Variants in PDE4DIP observed in about 807,000 individuals in gnomAD.
PDE4DIP encodes the protein myomegalin.
PDE4DIP carries 59 observed loss-of-function variants against 221.4 expected under a neutral mutation model. The ratio of observed to expected loss-of-function variants is 0.27; its 90% confidence interval spans 0.22 to 0.33. The LOEUF (loss-of-function observed/expected upper bound fraction) is 0.33, where lower values mean the gene tolerates loss of function less well. Ranked by LOEUF, PDE4DIP falls within the 10% of genes least tolerant of loss-of-function variation. The probability of loss-of-function intolerance (pLI) is 1.00; values close to 1 mark genes in which losing one functional copy is unlikely to be tolerated. For missense variants in PDE4DIP, 1,036 were observed against 2,154.2 expected (o/e 0.48, Z 10.28); for synonymous variants, 404 against 815.9 (o/e 0.50, Z 8.60).
intron 1 of PDE4DIP, among the ~76,000 whole-genome samples, chr1:148,842,504 ACGC>A (rs1675271490): frequency 4.9e-5 from 1 of 20,336 alleles, no homozygotes; most frequent in African/African-American, 1.1e-4. Flanking sequence ...CTGAAATCTA[ACGC>A]AAAAAAATTG....
At chr1:148,963,732 CT>C (rs2057496626) in intron 9 of PDE4DIP, among the ~76,000 whole-genome samples, 1 of 147,486 alleles carries the variant, frequency 6.8e-6, no homozygotes, top group Non-Finnish European at 1.5e-5. Context: ...TTTCTTTCCT[CT>C]CTCTTTCTTT....
At chr1:148,952,052 C>T (rs4370717) in intron 5 of PDE4DIP, 39 of 1,011,060 alleles carry the variant, frequency 3.9e-5, no homozygotes, top group African/African-American at 2.6e-4. Flanking sequence ...TGGCACTGTC[C>T]GAGAATGCAG....
exon 34 of PDE4DIP, chr1:149,017,849 C>T (rs781883252): frequency 4.3e-6 from 7 of 1,613,648 alleles, no homozygotes; most frequent in Non-Finnish European, 5.1e-6. Flanking sequence ...GCAACTGGAA[C>T]ACCGGCTGAC....
intron 17 of PDE4DIP, among the ~76,000 whole-genome samples, chr1:148,974,936 G>A (rs1193478559): frequency 1.1e-5 from 1 of 87,060 alleles, no homozygotes; most frequent in Non-Finnish European, 2.3e-5. Flanking sequence ...GGCCGAGGTG[G>A]GCGGATCACT....
chr1:148,954,703 A>C (rs1303489927), intron 5 of PDE4DIP, among the ~76,000 whole-genome samples: 5 of 152,132 alleles, frequency 3.3e-5, no homozygotes, highest in Non-Finnish European at 7.4e-5. Flanking sequence ...AATTTGAGCT[A>C]TTCGTGTCTG....
At chr1:148,987,819 G>C (rs1553551697) in intron 21 of PDE4DIP, among the ~76,000 whole-genome samples, 1 of 152,114 alleles carries the variant, frequency 6.6e-6, no homozygotes, top group African/African-American at 2.4e-5. Flanking sequence ...TGTAGTCACA[G>C]TTACTTGGAG....
At chr1:148,855,599 AG>A (rs1680820331) in intron 1 of PDE4DIP, among the ~76,000 whole-genome samples, 1 of 126,870 alleles carries the variant, frequency 7.9e-6, no homozygotes, top group Non-Finnish European at 1.8e-5. Flanking sequence ...AGCATGCAGA[AG>A]GAGGCTCACC....
At chr1:148,933,159 G>A (rs183273532) in intron 4 of PDE4DIP, among the ~76,000 whole-genome samples, 18 of 152,254 alleles carry the variant, frequency 1.2e-4, no homozygotes, top group Admixed American at 3.9e-4. Flanking sequence ...TAGAGGAAGC[G>A]AAATCTGAGC....
chr1:148,824,309 A>G (rs1375793039), intron 1 of PDE4DIP, among the ~76,000 whole-genome samples: 1 of 150,284 alleles, frequency 6.7e-6, no homozygotes, highest in Non-Finnish European at 1.5e-5. Context: ...TCCTGTCCAC[A>G]CAATAGGTCT....
chr1:149,015,590 A>T (rs1439396821), intron 32 of PDE4DIP, among the ~76,000 whole-genome samples: 3 of 152,102 alleles, frequency 2.0e-5, no homozygotes. Context: ...ATTTCAAAGG[A>T]TCTATGAAAG....
intron 1 of PDE4DIP, among the ~76,000 whole-genome samples, chr1:148,824,473 T>C (rs1248088932): frequency 2.0e-5 from 2 of 100,076 alleles, no homozygotes; most frequent in African/African-American, 7.9e-5. Flanking sequence ...ACTGTATTCA[T>C]TACAAATGAG....
intron 14 of PDE4DIP, among the ~76,000 whole-genome samples, chr1:148,970,492 A>G (rs2059003594): frequency 6.6e-6 from 1 of 151,144 alleles, no homozygotes; most frequent in Non-Finnish European, 1.5e-5. Flanking sequence ...AAGAAGATTA[A>G]TGGTTGTATT....
At chr1:149,010,644 G>A (rs1366820748) in intron 31 of PDE4DIP, 49 bp downstream of exon 34, 2 of 1,591,198 alleles carry the variant, frequency 1.3e-6, no homozygotes, top group African/African-American at 2.7e-5. Context: ...TTTCTCTGCT[G>A]CCTGTTTGAT....
At chr1:149,032,142 G>C (rs2076913048) in exon 44 of PDE4DIP, 2 of 1,418,262 alleles carry the variant, frequency 1.4e-6, no homozygotes, top group Admixed American at 3.9e-5. Flanking sequence ...AGAAGAGGGA[G>C]TCAGAGATGT....
chr1:148,977,883 T>C, intron 17 of PDE4DIP, 54 bp from the exon 21 acceptor site: 2 of 1,597,724 alleles, frequency 1.3e-6, no homozygotes, highest in Middle Eastern at 1.7e-4. Context: ...TGCAAAAGCA[T>C]TTGCCTCAGT....
rs587705559 is a variant in PDE4DIP at position 148,996,726 on chromosome 1, C to G, written c.2905-1417C>G. ...GGAATAGCAAAAGTCAGTGGCTTCGCACCAACCCCAGCAGCTCTGTCAGTC... is the reference window on the plus strand; with the variant it reads ...GGAATAGCAAAAGTCAGTGGCTTCGGACCAACCCCAGCAGCTCTGTCAGTC... On this transcript the variant is annotated intron_variant, in intron 22 of 43. Transcript: ENST00000369354. Among the ~76,000 whole-genome samples the G allele has an allele frequency of 1.1e-4, 17 of 152,318 alleles. No homozygotes were observed. The South Asian group carries it at 3.3e-3, about 30-fold the overall frequency.
At chr1:148,813,885 C>T (rs1667098280) in intron 1 of PDE4DIP, among the ~76,000 whole-genome samples, 1 of 70,218 alleles carries the variant, frequency 1.4e-5, no homozygotes, top group African/African-American at 7.0e-5. Context: ...AATCAATTGA[C>T]CACATATATA....
intron 5 of PDE4DIP, chr1:148,938,555 T>C (rs1308289643): frequency 6.6e-6 from 1 of 152,186 alleles, no homozygotes. Context: ...ATATAGAACA[T>C]ACAATGTTTT....
In PDE4DIP at chr1:148,941,013, G is replaced by A. The variant is rs587751591; in HGVS notation, c.636+3149G>A. Among the ~76,000 whole-genome samples, 12 of 118,302 alleles carry A rather than the reference G, an allele frequency of 1.0e-4. 1 individual carries two copies. Among genetic ancestry groups the A allele is most frequent in the Admixed American group, 1.0e-3 (11 of 10,848 alleles). The allele number at this position is 118,302 out of a possible 152,430, so 77.6% of individuals were successfully genotyped here. A position where few individuals can be genotyped will look rare whatever the true frequency, so the allele number is the denominator to read the frequency against. On this transcript the variant is annotated intron_variant, in intron 5 of 43. Coordinates refer to ENST00000369354, the Ensembl canonical transcript of PDE4DIP. ...AACATCCCTTGCCTCACTTATCATC[G>A]TGACAACATCAAAAACAAGAAACAC...
Sources: gnomAD v4.1 joint callset for allele counts (sites outside exome capture counted in the v4.1 genomes callset) on GRCh38, gnomAD v4.1.1 for gene constraint, MANE v1.5 for transcripts, NCBI Gene and HGNC (gene_info 2026-07-23, HGNC 2026-07-21) for gene names.